The following CHD2 variants were observed in gnomAD, a reference collection of about 807,000 sequenced individuals.
The protein encoded by CHD2 is chromodomain helicase DNA binding protein 2.
A neutral mutation model predicts 243.9 loss-of-function variants in CHD2; 28 were observed. That is an observed-to-expected ratio of 0.11 (90% confidence interval 0.09 to 0.16). The LOEUF is 0.16. Among genes scored for constraint, CHD2 ranks in the 10% least tolerant of loss-of-function variants. The pLI is 1.00. For synonymous variants in CHD2, 775 were observed against 779.0 expected, an observed-to-expected ratio of 0.99 and a Z score of 0.09; for missense variants, 1,386 against 2,209.8, an observed-to-expected ratio of 0.63 and a Z score of 7.47.
chr15:92,980,751 A>G lies in CHD2; in HGVS notation c.2877-64A>G, dbSNP rs113696871. 447 of 1,129,330 alleles carry G rather than the reference A, an allele frequency of 4.0e-4. No individual in the cohort carries two copies. In the African/African-American group the frequency reaches 6.4e-3, roughly 16 times the overall value. 70.0% of individuals were successfully genotyped at this position (1,129,330 alleles called of 1,614,324 possible). ...CTTGACCTCTTTCTGAAGGATAGTT[A>G]TTCTGAAGTAGAACACTTTAGAGGT... On this transcript the variant is annotated intron_variant, in intron 22 of 38. Coordinates refer to ENST00000394196, the MANE Select transcript of CHD2 (RefSeq NM_001271.4).
Position 92,924,493 on chromosome 15 carries a change from C to G in CHD2, c.235C>G (p.Leu79Val), listed in dbSNP as rs1555437429. 1 of 1,614,120 alleles carries G rather than the reference C, an allele frequency of 6.2e-7. No homozygotes were observed. Among genetic ancestry groups the G allele is most frequent in the South Asian group, 1.1e-5 (1 of 91,068 alleles). Reference sequence around the variant, plus strand: ...AGCAGGTTCCAAATCCCAGCCAGTCCTCCCAGAAGCCAAAGAGAAGCCAGC... The same window carrying G: ...AGCAGGTTCCAAATCCCAGCCAGTCGTCCCAGAAGCCAAAGAGAAGCCAGC... ...ESAGSKSQPV[L>V]PEAKEKPASK... The change falls in exon 3 of 39, where the codon CTC becomes GTC. Residue 79 changes from leucine to valine, a missense_variant. Physicochemically the swap from Leu to Val is conservative, Grantham distance 32. This residue lies in a region of CHD2 where 89 missense variants were observed against 102.4 expected (regional missense o/e 0.87). Transcript: ENST00000394196.
At chr15:92,967,132 G>C (rs1024677561) in intron 16 of CHD2, among the ~76,000 whole-genome samples, 193 bp from the exon 17 acceptor site, 1 of 152,172 alleles carries the variant, frequency 6.6e-6, no homozygotes, top group South Asian at 2.1e-4. Context: ...AATTGGAAAC[G>C]TGCTATTATC....
At chr15:92,904,799 G>C (rs2052588962) in intron 2 of CHD2, 1 of 1,477,402 alleles carries the variant, frequency 6.8e-7, no homozygotes, top group Non-Finnish European at 8.9e-7. Context: ...AGTGTGAAGA[G>C]ATGAGTGGGT....
At chr15:92,957,622 T>C (rs2053632783) in intron 16 of CHD2, among the ~76,000 whole-genome samples, 1 of 152,160 alleles carries the variant, frequency 6.6e-6, no homozygotes, top group Non-Finnish European at 1.5e-5. Context: ...AGTTAATAGT[T>C]GTTCAGTTGA....
intron 38 of CHD2, chr15:93,022,017 G>A (rs944312988): frequency 6.6e-6 from 1 of 152,208 alleles, no homozygotes; most frequent in Non-Finnish European, 1.5e-5. Flanking sequence ...GATTCGTTAG[G>A]TAGAACCAGA....
At chr15:92,923,397 A>T (rs1420318841) in intron 2 of CHD2, among the ~76,000 whole-genome samples, 1 of 151,746 alleles carries the variant, frequency 6.6e-6, no homozygotes, top group Non-Finnish European at 1.5e-5. Context: ...AGTAGCTGGG[A>T]TCGCAGGCAT....
chr15:92,906,756 G>T (rs1272507147), intron 2 of CHD2, among the ~76,000 whole-genome samples: 1 of 145,918 alleles, frequency 6.9e-6, no homozygotes, highest in Non-Finnish European at 1.5e-5. Context: ...TGGCTTTCTT[G>T]ATATGGTGTC....
intron 10 of CHD2, 200 bp from the exon 11 acceptor site, chr15:92,945,621 C>T (rs531192255): frequency 6.8e-6 from 2 of 294,380 alleles, no homozygotes; most frequent in East Asian, 1.2e-4. Flanking sequence ...TGGTCTTGAA[C>T]TGCTGGCCTC....
intron 14 of CHD2, chr15:92,953,799 CTT>C (rs758558047): frequency 5.7e-6 from 3 of 524,102 alleles, no homozygotes; most frequent in African/African-American, 1.9e-5. Context: ...GTGGGAATCT[CTT>C]TTAGCTGGGT....
chr15:92,934,135 C>T (rs953551955), intron 5 of CHD2, among the ~76,000 whole-genome samples: 1 of 152,142 alleles, frequency 6.6e-6, no homozygotes. Flanking sequence ...TAATAGCAAG[C>T]CTTACCAACT....
intron 16 of CHD2, among the ~76,000 whole-genome samples, chr15:92,957,725 T>A (rs1196358604): frequency 6.6e-6 from 1 of 152,094 alleles, no homozygotes; most frequent in Non-Finnish European, 1.5e-5. Context: ...AATTTAAATT[T>A]GTTTAGTAAC....
intron 13 of CHD2, chr15:92,950,518 T>C (rs773163570): frequency 1.3e-5 from 2 of 152,278 alleles, no homozygotes; most frequent in Middle Eastern, 3.4e-3. Flanking sequence ...TAGTGTTTTA[T>C]AGTAAAGCAA....
At chr15:93,017,069 G>T (rs921367620) in intron 37 of CHD2, among the ~76,000 whole-genome samples, 4 of 152,160 alleles carry the variant, frequency 2.6e-5, no homozygotes, top group African/African-American at 9.7e-5. Flanking sequence ...AATACACACC[G>T]ATTGCTAAGA....
chr15:92,941,562 A>G (rs1241021458), intron 7 of CHD2, among the ~76,000 whole-genome samples: 2 of 152,122 alleles, frequency 1.3e-5, no homozygotes, highest in Admixed American at 6.5e-5. Context: ...ATAGTTTTCT[A>G]TATCTTGCTT....
At chr15:92,976,757 C>T (rs186712086) in intron 20 of CHD2, among the ~76,000 whole-genome samples, 14 of 151,740 alleles carry the variant, frequency 9.2e-5, no homozygotes, top group Non-Finnish European at 1.3e-4. Context: ...AAAAATGAGC[C>T]GTGCATAGTA....
chr15:93,000,695 A>G lies in CHD2; in HGVS notation c.4137+55A>G, dbSNP rs1355318490. 1.6e-5 allele frequency: 25 copies of G among 1,532,948 alleles called. No individual in the cohort carries two copies. The Admixed American group carries it at 3.4e-4, about 21-fold the overall frequency. 95.0% of individuals were successfully genotyped at this position (1,532,948 alleles called of 1,614,324 possible). ...TTTATTTATTTTAGCTATACTTATC[A>G]TGCCAGCTGGAATAAAATCATCTGA... is the stretch of plus-strand genomic sequence containing the variant. On this transcript the variant is annotated intron_variant, in intron 32 of 38. Coordinates refer to ENST00000394196, the MANE Select transcript of CHD2 (RefSeq NM_001271.4).
At chr15:92,934,115 T>C (rs559525237) in intron 5 of CHD2, among the ~76,000 whole-genome samples, 18 of 152,380 alleles carry the variant, frequency 1.2e-4, no homozygotes, top group African/African-American at 4.3e-4. Flanking sequence ...TTTTCTTTTT[T>C]ACAGACAGTT....
chr15:93,008,105 G>A (rs1311343118), intron 34 of CHD2, among the ~76,000 whole-genome samples: 1 of 152,178 alleles, frequency 6.6e-6, no homozygotes, highest in African/African-American at 2.4e-5. Flanking sequence ...ATCATTTGGT[G>A]TTTCCTCTGG....
In CHD2 at chr15:92,924,509, A is replaced by G; in HGVS notation, c.251A>G (p.Glu84Gly). The G allele has an allele frequency of 6.2e-7, 1 of 1,614,178 alleles. No individual in the cohort carries two copies. Among genetic ancestry groups the G allele is most frequent in the African/African-American group, 1.3e-5 (1 of 75,054 alleles). Residue 84 changes from glutamate to glycine, a missense_variant, in exon 3 of 39, where the codon GAG becomes GGG. Physicochemically the swap from Glu to Gly is moderately conservative, Grantham distance 98. Transcript: ENST00000394196. ...KSQPVLPEAK[E>G]KPASKKERIA... ...CAGCCAGTCCTCCCAGAAGCCAAAG[A>G]GAAGCCAGCCTCTAAGAAGGAACGG...
Sources: gnomAD v4.1 joint callset for allele counts (sites outside exome capture counted in the v4.1 genomes callset) on GRCh38, gnomAD v4.1.1 for gene constraint, gnomAD v4.1.1 regional missense constraint, MANE v1.5 for transcripts, NCBI Gene and HGNC (gene_info 2026-07-23, HGNC 2026-07-21) for gene names.